MYOM2: variants seen among roughly 807,000 people sequenced by gnomAD.
The protein encoded by MYOM2 is myomesin 2, also known as myomesin-2.
A neutral mutation model predicts 187.6 loss-of-function variants in MYOM2; 254 were observed. The ratio of observed to expected loss-of-function variants is 1.35; its 90% CI spans 1.22 to 1.50. MYOM2 has a LOEUF of 1.50. Among genes scored for constraint, MYOM2 ranks in the 40% most tolerant of loss-of-function variants. The pLI is 0.00. For missense variants in MYOM2, 2,796 were observed against 1,924.0 expected, an observed-to-expected ratio of 1.45 and a Z score of -8.48; for synonymous variants, 981 against 753.8, an observed-to-expected ratio of 1.30 and a Z score of -4.94.
At chr8:2,135,225 T>A (rs73657753) in intron 32 of MYOM2, among the ~76,000 whole-genome samples, 19,804 of 152,168 alleles carry the variant, frequency 0.13, 2,181 homozygotes, top group African/African-American at 0.28. Context: ...CAAATGTGCA[T>A]ACTAGAGTTC....
intron 12 of MYOM2, 94 bp from the exon 13 acceptor site, chr8:2,079,466 C>A: frequency 8.3e-7 from 1 of 1,204,458 alleles, no homozygotes; most frequent in Non-Finnish European, 1.2e-6. Flanking sequence ...AGTCCTAATG[C>A]AGAGGAGATG....
chr8:2,124,067 C>A lies in MYOM2; in HGVS notation c.3656-112C>A. 2.8e-6 allele frequency: 3 copies of A among 1,064,220 alleles called. 1 individual carries two copies. Among genetic ancestry groups the A allele is most frequent in the Non-Finnish European group, 4.1e-6 (3 of 724,002 alleles). The allele number at this position is 1,064,220 out of a possible 1,614,324, so 65.9% of individuals were successfully genotyped here. A position where few individuals can be genotyped will look rare whatever the true frequency, so the allele number is the denominator to read the frequency against. On this transcript the variant is annotated intron_variant, in intron 30 of 36. Coordinates refer to ENST00000262113, the MANE Select transcript of MYOM2 (RefSeq NM_003970.4). ...GATAAATATTGCCATTTTAATGATT[C>A]ATTTTTCAACTGAACATCACAATTT...
At chr8:2,138,683 A>G (rs967979028) in intron 32 of MYOM2, among the ~76,000 whole-genome samples, 1 of 152,178 alleles carries the variant, frequency 6.6e-6, no homozygotes, top group Non-Finnish European at 1.5e-5. Context: ...GGCCAACCTG[A>G]TTATTGTAGA....
At chr8:2,074,387 T>A (rs546603146) in intron 10 of MYOM2, among the ~76,000 whole-genome samples, 1 of 152,270 alleles carries the variant, frequency 6.6e-6, no homozygotes, top group African/African-American at 2.4e-5. Context: ...GTTCCTGTTA[T>A]AACTTTGTAG....
chr8:2,093,050 T>G (rs1796363914), intron 16 of MYOM2, among the ~76,000 whole-genome samples: 2 of 152,160 alleles, frequency 1.3e-5, no homozygotes, highest in East Asian at 1.9e-4. Context: ...TGCTGCCTGC[T>G]GAGTGTGCAG....
chr8:2,106,320 C>G lies in MYOM2; in HGVS notation c.2813C>G (p.Ala938Gly), dbSNP rs186389832. ...TTCGACTGCCAGGAAATGACAGACG[C>G]GTCTCAGTTCACCTGGTGTAAATCC... ...LGFDCQEMTD[A>G]SQFTWCKSYE... Residue 938 changes from alanine to glycine, a missense_variant, in exon 22 of 37, where the codon GCG becomes GGG. Ala to Gly is a moderately conservative substitution (Grantham distance 60). Coordinates refer to ENST00000262113, the MANE Select transcript of MYOM2 (RefSeq NM_003970.4). 2 of 1,614,086 alleles carry G rather than the reference C, an allele frequency of 1.2e-6. No individual in the cohort carries two copies. The highest frequency in any genetic ancestry group is 1.1e-5 in the South Asian group (1 of 91,082).
At chr8:2,068,527 A>T (rs976458948) in intron 6 of MYOM2, among the ~76,000 whole-genome samples, 1 of 150,004 alleles carries the variant, frequency 6.7e-6, no homozygotes, top group Admixed American at 6.6e-5. Context: ...TCCTGGGTAC[A>T]GCTCTTCAAT....
chr8:2,140,960 C>G (rs764787536), intron 33 of MYOM2, 74 bp downstream of exon 33: 1 of 1,449,396 alleles, frequency 6.9e-7, no homozygotes, highest in South Asian at 1.4e-5. Flanking sequence ...GGAGGGAATA[C>G]AATATGAATA....
At chr8:2,079,751 T>TGCAA in intron 13 of MYOM2, 138 bp downstream of exon 13, 1 of 904,904 alleles carries the variant, frequency 1.1e-6, no homozygotes, top group Non-Finnish European at 1.8e-6. Flanking sequence ...AGGTCAGGCC[T>TGCAA]GCAAGCCCAG....
intron 10 of MYOM2, among the ~76,000 whole-genome samples, chr8:2,074,560 T>A (rs1819349576): frequency 6.6e-6 from 1 of 152,104 alleles, no homozygotes; most frequent in Non-Finnish European, 1.5e-5. Context: ...GTTCAAGCGA[T>A]TCTCCTGCCT....
chr8:2,087,772 C>T (rs1445803876), intron 14 of MYOM2, among the ~76,000 whole-genome samples: 3 of 152,190 alleles, frequency 2.0e-5, no homozygotes, highest in Admixed American at 1.3e-4. Flanking sequence ...GTGTGTGCCA[C>T]CACGCCCAGC....
chr8:2,069,563 A>G, intron 8 of MYOM2, 66 bp downstream of exon 8: 1 of 1,586,570 alleles, frequency 6.3e-7, no homozygotes, highest in Non-Finnish European at 8.6e-7. Context: ...CAATTTGAAA[A>G]CATGGTTTCC....
chr8:2,143,400 G>A lies in MYOM2; in HGVS notation c.4025-1G>A. ...CTAACCAAGGTGCTTTCCCGTTGCA[G>A]ATCGTGGCAGGTTGATCGGCGGCTT... is the stretch of plus-strand genomic sequence containing the variant. On this transcript the variant is annotated splice_acceptor_variant, in intron 35 of 36. Transcript: ENST00000262113. LOFTEE classifies it high-confidence loss of function. The A allele has an allele frequency of 6.2e-7, 1 of 1,614,208 alleles. No individual in the cohort carries two copies. Among genetic ancestry groups the A allele is most frequent in the South Asian group, 1.1e-5 (1 of 91,076 alleles).
chr8:2,087,129 C>T (rs773601441), intron 14 of MYOM2, among the ~76,000 whole-genome samples: 1 of 152,148 alleles, frequency 6.6e-6, no homozygotes, highest in Non-Finnish European at 1.5e-5. Flanking sequence ...TGGTGACGAC[C>T]CCCTGTTGGG....
At chr8:2,110,007 G>T (rs1797016209) in intron 25 of MYOM2, among the ~76,000 whole-genome samples, 1 of 152,190 alleles carries the variant, frequency 6.6e-6, no homozygotes. Flanking sequence ...GTGGCAGACT[G>T]ATGTGACAGT....
At chr8:2,078,971 A>G in intron 12 of MYOM2, 38 bp downstream of exon 12, 1 of 1,595,434 alleles carries the variant, frequency 6.3e-7, no homozygotes. Context: ...TGTGCCCAGG[A>G]AGCTTTGGCT....
At position 2,096,479 on chromosome 8, in the gene MYOM2, C is replaced by G. The variant is rs777615394; in HGVS notation, c.2313+45C>G. ...TTCGTCTATTTTTGCCTGGGTGGTT[C>G]TTTACATTTTTGGCAATGTTTCTGC... On this transcript the variant is annotated intron_variant, in intron 18 of 36. Coordinates refer to ENST00000262113, the MANE Select transcript of MYOM2 (RefSeq NM_003970.4). 7.0e-6 allele frequency: 11 copies of G among 1,582,444 alleles called. No individual in the cohort carries two copies. In the South Asian group the frequency reaches 8.0e-5, roughly 11 times the overall value.
At chr8:2,080,043 C>T (rs1255328215) in intron 13 of MYOM2, among the ~76,000 whole-genome samples, 1 of 152,196 alleles carries the variant, frequency 6.6e-6, no homozygotes, top group Non-Finnish European at 1.5e-5. Flanking sequence ...TTGAGTCTTT[C>T]CTGCCAAATG....
intron 31 of MYOM2, among the ~76,000 whole-genome samples, chr8:2,128,808 T>A (rs1797747821): frequency 6.6e-6 from 1 of 152,230 alleles, no homozygotes; most frequent in Non-Finnish European, 1.5e-5. Flanking sequence ...GCATTTGCCA[T>A]GCACTGTTGT....
Sources: allele counts gnomAD v4.1 joint callset (sites outside exome capture counted in the v4.1 genomes callset), GRCh38; gene constraint gnomAD v4.1.1; transcripts MANE v1.5; gene names NCBI Gene and HGNC (gene_info 2026-07-23, HGNC 2026-07-21).